The following RNGTT variants were observed in gnomAD, a reference collection of about 807,000 sequenced individuals.
The protein encoded by RNGTT is RNA guanylyltransferase and 5'-phosphatase.
A neutral mutation model predicts 79.3 loss-of-function variants in RNGTT; 33 were observed. The ratio of observed to expected loss-of-function variants is 0.42; its 90% CI spans 0.32 to 0.56. RNGTT has a LOEUF of 0.56. RNGTT is among the 20% of genes least tolerant of loss of function. RNGTT has a pLI of 0.17. For missense variants in RNGTT, 497 were observed against 739.1 expected, an observed-to-expected ratio of 0.67 and a Z score of 3.80; for synonymous variants, 222 against 235.9, an observed-to-expected ratio of 0.94 and a Z score of 0.54.
intron 12 of RNGTT, among the ~76,000 whole-genome samples, chr6:88,791,805 C>G (rs1054619477): frequency 6.6e-6 from 1 of 152,180 alleles, no homozygotes; most frequent in African/African-American, 2.4e-5. Flanking sequence ...TCCCAAAGTG[C>G]TGCGATTACA....
intron 12 of RNGTT, among the ~76,000 whole-genome samples, chr6:88,774,201 T>A (rs9344859): frequency 1.3e-4 from 19 of 151,814 alleles, no homozygotes; most frequent in Non-Finnish European, 2.1e-4. Flanking sequence ...AAATGGCCAA[T>A]AAGCACATGA....
chr6:88,771,205 C>G (rs959597635), intron 12 of RNGTT, among the ~76,000 whole-genome samples: 1 of 149,978 alleles, frequency 6.7e-6, no homozygotes, highest in Non-Finnish European at 1.5e-5. Context: ...ACTATGTTTT[C>G]TTAGACAAGT....
rs80132169 is a variant in RNGTT at position 88,797,926 on chromosome 6, T to C, written c.1338+3638A>G. On this transcript the variant is annotated intron_variant, in intron 12 of 15. Transcript: ENST00000369485. Reference sequence around the variant, plus strand: ...AAGAACAGCATAGACTGTGTAGAACTGTAGAAGCAAAAGCCAAAAAAAAAA... The same window carrying C: ...AAGAACAGCATAGACTGTGTAGAACCGTAGAAGCAAAAGCCAAAAAAAAAA... Among the ~76,000 whole-genome samples, 465 of 124,240 alleles carry C rather than the reference T, an allele frequency of 3.7e-3. 3 individuals are homozygous for C. Among genetic ancestry groups the C allele is most frequent in the African/African-American group, 0.014 (449 of 31,418 alleles). The allele number at this position is 124,240 out of a possible 152,430, so 81.5% of individuals were successfully genotyped here. A position where few individuals can be genotyped will look rare whatever the true frequency, so the allele number is the denominator to read the frequency against.
intron 11 of RNGTT, among the ~76,000 whole-genome samples, chr6:88,836,931 T>A (rs1324912015): frequency 6.6e-6 from 1 of 152,146 alleles, no homozygotes; most frequent in East Asian, 1.9e-4. Flanking sequence ...ACTTCAGGTA[T>A]TTTAATAAAT....
At chr6:88,698,158 GATATATATGAC>G (rs1775777058) in intron 13 of RNGTT, among the ~76,000 whole-genome samples, 1 of 54,126 alleles carries the variant, frequency 1.8e-5, no homozygotes. Context: ...AAATACATAT[GATATATATGAC>G]ATATATATGA....
intron 13 of RNGTT, among the ~76,000 whole-genome samples, chr6:88,730,368 T>A (rs1433657531): frequency 6.6e-6 from 1 of 152,200 alleles, no homozygotes; most frequent in Non-Finnish European, 1.5e-5. Context: ...CTGTGCCATC[T>A]AACCCTAGCC....
chr6:88,627,314 G>C (rs763943845), intron 14 of RNGTT, among the ~76,000 whole-genome samples: 2 of 152,026 alleles, frequency 1.3e-5, no homozygotes, highest in Non-Finnish European at 2.9e-5. Flanking sequence ...AATAATATTT[G>C]AACTAGGCAA....
intron 13 of RNGTT, among the ~76,000 whole-genome samples, chr6:88,761,604 C>T (rs1291655911): frequency 1.3e-5 from 2 of 152,032 alleles, no homozygotes; most frequent in Non-Finnish European, 2.9e-5. Flanking sequence ...ACTGTAAATC[C>T]ACAGTTGGCA....
At chr6:88,784,440 G>C (rs1171326349) in intron 12 of RNGTT, among the ~76,000 whole-genome samples, 1 of 152,024 alleles carries the variant, frequency 6.6e-6, no homozygotes, top group Non-Finnish European at 1.5e-5. Flanking sequence ...TATACAACCA[G>C]GCTTCCTCAA....
At chr6:88,926,094 A>C (rs1295443481) in intron 4 of RNGTT, among the ~76,000 whole-genome samples, 1 of 152,226 alleles carries the variant, frequency 6.6e-6, no homozygotes, top group Non-Finnish European at 1.5e-5. Flanking sequence ...TCCAGAATTA[A>C]ATAAATATTT....
intron 4 of RNGTT, among the ~76,000 whole-genome samples, chr6:88,908,880 C>T (rs1048277677): frequency 1.3e-5 from 2 of 152,180 alleles, no homozygotes; most frequent in Admixed American, 1.3e-4. Context: ...AGACAGTGCC[C>T]ACAGAACAGC....
intron 1 of RNGTT, among the ~76,000 whole-genome samples, chr6:88,961,959 C>G (rs1490698009): frequency 6.6e-6 from 1 of 152,194 alleles, no homozygotes; most frequent in Non-Finnish European, 1.5e-5. Flanking sequence ...CAATAAACTA[C>G]TACTCTGCAA....
At chr6:88,851,030 T>C (rs1396867259) in intron 9 of RNGTT, among the ~76,000 whole-genome samples, 1 of 151,978 alleles carries the variant, frequency 6.6e-6, no homozygotes, top group African/African-American at 2.4e-5. Context: ...CTCCCTTGGT[T>C]CTAATCATCA....
In RNGTT at chr6:88,771,466, A is replaced by T. The variant is rs553762305; in HGVS notation, c.1339-1592T>A. ...TACTATAACTTTATACATTTTGAAA[A>T]CAGGCTGTGTAAGTCCTCAGACTTT... On this transcript the variant is annotated intron_variant, in intron 12 of 15. Coordinates refer to ENST00000369485, the MANE Select transcript of RNGTT (RefSeq NM_003800.5). Among the ~76,000 whole-genome samples the T allele has an allele frequency of 6.3e-4, 96 of 151,610 alleles. 4 individuals carry two copies. In the South Asian group the frequency reaches 0.019, roughly 30 times the overall value.
rs1446007111 is a variant in RNGTT at position 88,659,242 on chromosome 6, A to G, written c.1506+19111T>C. On this transcript the variant is annotated intron_variant, in intron 14 of 15. Coordinates refer to ENST00000369485, the MANE Select transcript of RNGTT (RefSeq NM_003800.5). Reference sequence around the variant, plus strand: ...TCTGGTATGATGAAACAAGGTTCTTATAACACCCACTAAAGATCACACTAG... The same window carrying G: ...TCTGGTATGATGAAACAAGGTTCTTGTAACACCCACTAAAGATCACACTAG... Among the ~76,000 whole-genome samples the G allele has an allele frequency of 2.0e-5, 3 of 152,234 alleles. No homozygotes were observed. The East Asian group carries it at 5.8e-4, about 29-fold the overall frequency.
chr6:88,866,017 G>T (rs1192177872), intron 8 of RNGTT, among the ~76,000 whole-genome samples: 1 of 152,066 alleles, frequency 6.6e-6, no homozygotes, highest in Non-Finnish European at 1.5e-5. Flanking sequence ...AATAAAAATT[G>T]ACTGATAAAG....
intron 11 of RNGTT, among the ~76,000 whole-genome samples, chr6:88,822,719 G>A (rs1027882495): frequency 6.6e-6 from 1 of 152,160 alleles, no homozygotes; most frequent in Non-Finnish European, 1.5e-5. Flanking sequence ...ATCAGAAAGT[G>A]TGTCTGTATC....
intron 14 of RNGTT, among the ~76,000 whole-genome samples, chr6:88,630,865 G>C (rs1303069813): frequency 2.6e-5 from 4 of 152,088 alleles, no homozygotes; most frequent in African/African-American, 9.7e-5. Context: ...GAACAATTAT[G>C]TTAATAATGC....
chr6:88,612,721 A>G lies in RNGTT; in HGVS notation c.1792T>C (p.Ter598GlnextTer6), dbSNP rs576751450. 1 of 1,596,382 alleles carries G rather than the reference A, an allele frequency of 6.3e-7. No individual in the cohort carries two copies. Among genetic ancestry groups the G allele is most frequent in the African/African-American group, 1.3e-5 (1 of 74,362 alleles). The change falls in exon 16 of 16, where the codon TAA becomes CAA. Residue 598 changes from the stop codon to glutamine (Q), a stop_lost. Transcript: ENST00000369485. ...AACCCTCAAGTCACAGGCAGGTCTT[A>G]GGTTAAAGGGCGTGGTCTTTTGGGA... is the stretch of plus-strand genomic sequence containing the variant. ...PPPKRPRPLT[*>Q] is the part of the protein sequence containing the mutation.
Sources: allele counts gnomAD v4.1 joint callset (sites outside exome capture counted in the v4.1 genomes callset), GRCh38; gene constraint gnomAD v4.1.1; transcripts MANE v1.5; gene names NCBI Gene and HGNC (gene_info 2026-07-23, HGNC 2026-07-21).